The following SLC35D1 variants were observed in gnomAD, a reference collection of about 807,000 sequenced individuals.
The protein encoded by SLC35D1 is nucleotide sugar transporter SLC35D1.
A neutral mutation model predicts 46.7 loss-of-function variants in SLC35D1; 31 were observed. That is an observed-to-expected ratio of 0.66 (90% CI 0.50 to 0.90). The LOEUF (loss-of-function observed/expected upper bound fraction) is 0.90, where lower values mean the gene tolerates loss of function less well. SLC35D1 is among the 40% of genes least tolerant of loss of function. The pLI is 0.00. For synonymous variants in SLC35D1, 195 were observed against 164.6 expected (o/e 1.18, Z -1.41); for missense variants, 397 against 426.2 (o/e 0.93, Z 0.60).
intron 4 of SLC35D1, among the ~76,000 whole-genome samples, chr1:67,050,963 C>T (rs1364960371): frequency 6.6e-6 from 1 of 152,166 alleles, no homozygotes; most frequent in East Asian, 1.9e-4. Context: ...ATCAAACATA[C>T]AGCCTCTTGC....
At chr1:67,037,509 G>C (rs1668148916) in intron 8 of SLC35D1, among the ~76,000 whole-genome samples, 1 of 152,050 alleles carries the variant, frequency 6.6e-6, no homozygotes, top group African/African-American at 2.4e-5. Flanking sequence ...ACAGTCTCAG[G>C]CTATGTGTAA....
At chr1:67,051,924 A>T in intron 4 of SLC35D1, 88 bp downstream of exon 4, 1 of 943,378 alleles carries the variant, frequency 1.1e-6, no homozygotes, top group South Asian at 1.4e-5. Flanking sequence ...TTCCAGAATC[A>T]ATAACAATGT....
At chr1:66,982,324 A>G in the SLC35D1 span, among the ~76,000 whole-genome samples, 2 of 152,224 alleles carry the variant, frequency 1.3e-5, no homozygotes, top group African/African-American at 2.4e-5. Context: ...ACTGTTTTGA[A>G]TATTTAAGTT....
In SLC35D1 at chr1:67,003,437, T is replaced by G. The variant is rs1464928180; in HGVS notation, c.*903A>C. The stretch of plus-strand genomic sequence containing the variant: ...TAGGGCAGGTGTTCTTAATCCAATT[T>G]ACAGATTTGCGGCTTTTGAGTGCTG... On this transcript the variant is annotated 3_prime_UTR_variant, in exon 12 of 12. Coordinates refer to ENST00000235345, the MANE Select transcript of SLC35D1 (RefSeq NM_015139.3). 6.6e-6 allele frequency: 1 copy of G among 152,270 alleles called. No individual in the cohort carries two copies. The highest frequency in any genetic ancestry group is 1.5e-5 in the Non-Finnish European group (1 of 68,060). The allele number at this position is 152,270 out of a possible 1,614,324, so 9.4% of individuals were successfully genotyped here.
intron 8 of SLC35D1, among the ~76,000 whole-genome samples, chr1:67,025,552 C>G (rs1303097699): frequency 6.6e-6 from 1 of 152,182 alleles, no homozygotes; most frequent in Non-Finnish European, 1.5e-5. Context: ...TTTGACTATA[C>G]TAAGTCCTTT....
Position 67,052,039 on chromosome 1 carries a change from G to A in SLC35D1, c.365C>T (p.Thr122Met), listed in dbSNP as rs777506650. ...LPLLYFGNQI[T>M]GLFSTKKLNL... ...CAGTTTCTTTGTGCTGAACAGTCCC[G>A]TGATTTGGTTCCCAAAATATAGTAG... Residue 122 changes from threonine (T) to methionine (M), a missense_variant, in exon 4 of 12, where the codon ACG (threonine) becomes ATG (methionine). By Grantham distance (81) the Thr-to-Met change is moderately conservative. Transcript: ENST00000235345. The A allele has an allele frequency of 8.1e-6, 13 of 1,610,266 alleles. No individual in the cohort carries two copies. Among genetic ancestry groups the A allele is most frequent in the Admixed American group, 6.7e-5 (4 of 59,984 alleles).
At chr1:67,030,265 G>C (rs1193771469) in intron 8 of SLC35D1, among the ~76,000 whole-genome samples, 2 of 152,022 alleles carry the variant, frequency 1.3e-5, no homozygotes, top group Admixed American at 6.6e-5. Flanking sequence ...TTGAAAAGTA[G>C]AGAGTTTATT....
At position 67,021,756 on chromosome 1, in the gene SLC35D1, C is replaced by T. The variant is rs12036898; in HGVS notation, c.730-154G>A. Among the ~76,000 whole-genome samples, 6,629 of 150,876 alleles carry T rather than the reference C, an allele frequency of 0.044. 242 individuals are homozygous for T. Among genetic ancestry groups the T allele is most frequent in the East Asian group, 0.071 (363 of 5,136 alleles). On this transcript the variant is annotated intron_variant, in intron 8 of 11. Transcript: ENST00000235345. ...ACACACACACACACACACACACACA[C>T]ACAGGTATATGTTTCCCTGAATTAC... is the stretch of plus-strand genomic sequence containing the variant.
rs1488993673 is a variant in SLC35D1, at chr1:67,004,150, AAT to A, written c.*188_*189del. 3.2e-5 allele frequency: 19 copies of A among 595,174 alleles called. 1 individual carries two copies. The highest frequency in any genetic ancestry group is 3.1e-4 in the Middle Eastern group (1 of 3,186). 36.9% of individuals were successfully genotyped at this position (595,174 alleles called of 1,614,324 possible). A position where few individuals can be genotyped will look rare whatever the true frequency, so the allele number is the denominator to read the frequency against. On this transcript the variant is annotated 3_prime_UTR_variant, in exon 12 of 12. Coordinates refer to ENST00000235345, the MANE Select transcript of SLC35D1 (RefSeq NM_015139.3). ...AAATTAATTCAAACAACATATTTAAAATAGAGTCAATTATAAGTTTCTCTCTT... is the reference window on the plus strand; with the variant it reads ...AAATTAATTCAAACAACATATTTAAAAGAGTCAATTATAAGTTTCTCTCTT...
the SLC35D1 span, among the ~76,000 whole-genome samples, chr1:66,992,098 C>A: frequency 6.6e-6 from 1 of 152,216 alleles, no homozygotes; most frequent in South Asian, 2.1e-4. Flanking sequence ...TTTCAAAACA[C>A]ATCACAGCAC....
chr1:66,983,084 G>T, the SLC35D1 span, among the ~76,000 whole-genome samples: 1 of 152,164 alleles, frequency 6.6e-6, no homozygotes, highest in African/African-American at 2.4e-5. Flanking sequence ...CTAGGAAAGT[G>T]TTCATAAGTT....
At chr1:66,985,134 A>T in the SLC35D1 span, 2 of 1,141,572 alleles carry the variant, frequency 1.8e-6, no homozygotes, top group Non-Finnish European at 1.1e-6. Flanking sequence ...TGAACTAAAG[A>T]TATATCTCTA....
downstream of SLC35D1, among the ~76,000 whole-genome samples, chr1:66,997,932 C>T (rs917254828): frequency 2.0e-5 from 3 of 151,518 alleles, no homozygotes; most frequent in Admixed American, 1.3e-4. Context: ...TGAAAAGATG[C>T]TCAACATCAC....
At chr1:66,981,770 A>T in the SLC35D1 span, 8 of 1,584,974 alleles carry the variant, frequency 5.0e-6, no homozygotes, top group Non-Finnish European at 6.8e-6. Context: ...TTGTTTTATT[A>T]ATTTTAAGGG....
At chr1:67,040,035 C>T (rs373726405) in intron 8 of SLC35D1, among the ~76,000 whole-genome samples, 1 of 151,168 alleles carries the variant, frequency 6.6e-6, no homozygotes, top group African/African-American at 2.4e-5. Context: ...TGCTTTGTCA[C>T]CCAGGCTGGA....
rs772149508 is a variant in SLC35D1 at position 67,042,348 on chromosome 1, G to A, written c.637-20C>T. 1.2e-6 allele frequency: 2 copies of A among 1,608,310 alleles called. No individual in the cohort carries two copies. The highest frequency in any genetic ancestry group is 3.3e-5 in the Admixed American group (2 of 60,008). On this transcript the variant is annotated intron_variant, in intron 7 of 11. Coordinates refer to ENST00000235345, the MANE Select transcript of SLC35D1 (RefSeq NM_015139.3). ...CAGCTCCTAGGACAGTAAATAATTA[G>A]GTGTTTCATCTGCGTTTTGTTCTAG...
chr1:67,028,168 T>C (rs1424747392), intron 8 of SLC35D1, among the ~76,000 whole-genome samples: 1 of 152,262 alleles, frequency 6.6e-6, no homozygotes, highest in Non-Finnish European at 1.5e-5. Flanking sequence ...ATGCCATTAA[T>C]TTCTACCTTA....
chr1:66,995,481 A>C (rs1191921185), downstream of SLC35D1, among the ~76,000 whole-genome samples: 3 of 117,128 alleles, frequency 2.6e-5, no homozygotes, highest in African/African-American at 3.7e-5. Context: ...AAAAAAAAAA[A>C]ACAGACCAAA....
At chr1:66,985,051 G>T in the SLC35D1 span, 2 of 1,364,440 alleles carry the variant, frequency 1.5e-6, no homozygotes, top group Non-Finnish European at 9.4e-7. Context: ...TCATAATTCT[G>T]CCTTTTGCAG....
Sources: allele counts gnomAD v4.1 joint callset (sites outside exome capture counted in the v4.1 genomes callset), GRCh38; gene constraint gnomAD v4.1.1; transcripts MANE v1.5; gene names NCBI Gene and HGNC (gene_info 2026-07-23, HGNC 2026-07-21).